The following COG3 variants were observed in gnomAD, a reference collection of about 807,000 sequenced individuals.
COG3 encodes the protein component of oligomeric golgi complex 3, also known as conserved oligomeric Golgi complex subunit 3.
Under a neutral mutation model 114.1 loss-of-function variants are expected in COG3, and 32 were observed. The ratio of observed to expected loss-of-function variants is 0.28; its 90% CI spans 0.21 to 0.38. The LOEUF is 0.38. COG3 is among the 10% of genes least tolerant of loss of function. The pLI is 1.00. For missense variants in COG3, 813 were observed against 973.2 expected, an observed-to-expected ratio of 0.84 and a Z score of 2.19; for synonymous variants, 352 against 365.7, an observed-to-expected ratio of 0.96 and a Z score of 0.43.
At chr13:45,519,399 C>T (rs1332263869) in intron 19 of COG3, among the ~76,000 whole-genome samples, 2 of 152,182 alleles carry the variant, frequency 1.3e-5, no homozygotes, top group African/African-American at 4.8e-5. Flanking sequence ...TGGGCTGGGA[C>T]TCTCACTTTC....
chr13:45,504,454 G>A (rs1039538211), intron 14 of COG3, among the ~76,000 whole-genome samples: 6 of 152,226 alleles, frequency 3.9e-5, no homozygotes, highest in Admixed American at 2.6e-4. Flanking sequence ...CCCCGGACTT[G>A]TGCGTTTTCT....
At chr13:45,475,964 CAAAA>C (rs34930945) in intron 1 of COG3, among the ~76,000 whole-genome samples, 2 of 88,514 alleles carry the variant, frequency 2.3e-5, no homozygotes, top group East Asian at 3.0e-4. Flanking sequence ...ACCCTGTCAC[CAAAA>C]AAAAAAAAAA....
At chr13:45,481,418 G>A in intron 5 of COG3, 114 bp downstream of exon 5, 2 of 632,290 alleles carry the variant, frequency 3.2e-6, no homozygotes, top group Non-Finnish European at 5.7e-6. Flanking sequence ...AATTTAGCTT[G>A]CTTGCTGATA....
At chr13:45,504,410 C>T (rs977671176) in intron 14 of COG3, among the ~76,000 whole-genome samples, 3 of 152,124 alleles carry the variant, frequency 2.0e-5, no homozygotes, top group African/African-American at 7.2e-5. Flanking sequence ...TTTATGAGCA[C>T]GGGAGAGACG....
At chr13:45,484,286 T>C (rs1239139297) in intron 7 of COG3, among the ~76,000 whole-genome samples, 1 of 152,196 alleles carries the variant, frequency 6.6e-6, no homozygotes, top group East Asian at 1.9e-4. Context: ...TAATAGCTCA[T>C]AAAGACTGGT....
At chr13:45,526,176 C>T (rs1872679521) in intron 20 of COG3, among the ~76,000 whole-genome samples, 1 of 139,508 alleles carries the variant, frequency 7.2e-6, no homozygotes, top group African/African-American at 2.7e-5. Context: ...GCAACCACCT[C>T]CTGGATTTAA....
At chr13:45,514,247 A>G (rs906907207) in intron 16 of COG3, among the ~76,000 whole-genome samples, 2 of 128,308 alleles carry the variant, frequency 1.6e-5, no homozygotes, top group Admixed American at 2.1e-4. Flanking sequence ...TGCAACCTCC[A>G]CCTCCTGGGT....
chr13:45,496,226 A>G lies in COG3; in HGVS notation c.1402A>G (p.Thr468Ala). ...TGTACAGGAGCGGCTCGTCTACCGA[A>G]CCCACATCTATATTCAGACGGACAT... ...EDVQERLVYRTHIYIQTDITG... is the reference protein window; with the variant it reads ...EDVQERLVYRAHIYIQTDITG... Residue 468 changes from threonine (T) to alanine (A), a missense_variant, in exon 13 of 23, where the codon ACC becomes GCC. Thr to Ala is a moderately conservative substitution (Grantham distance 58). Coordinates refer to ENST00000349995, the MANE Select transcript of COG3 (RefSeq NM_031431.4). 6.2e-7 allele frequency: 1 copy of G among 1,613,328 alleles called. No individual in the cohort carries two copies. Among genetic ancestry groups the G allele is most frequent in the Non-Finnish European group, 8.5e-7 (1 of 1,179,546 alleles).
intron 14 of COG3, among the ~76,000 whole-genome samples, chr13:45,505,608 C>T (rs1448761933): frequency 6.6e-6 from 1 of 150,402 alleles, no homozygotes; most frequent in Non-Finnish European, 1.5e-5. Flanking sequence ...CCTGACCAAT[C>T]CTGCTTTCTT....
At chr13:45,524,890 G>C (rs934979626) in intron 19 of COG3, 86 bp from the exon 20 acceptor site, 15 of 912,198 alleles carry the variant, frequency 1.6e-5, no homozygotes, top group African/African-American at 3.3e-5. Flanking sequence ...TGTATCCCTT[G>C]AGAGCAGTAC....
chr13:45,534,670 G>T, intron 22 of COG3, 32 bp from the exon 23 acceptor site: 1 of 1,512,706 alleles, frequency 6.6e-7, no homozygotes, highest in East Asian at 2.4e-5. Context: ...TTCCATAGGA[G>T]AACTAACATA....
chr13:45,514,625 T>C (rs962569320), intron 16 of COG3, among the ~76,000 whole-genome samples: 2 of 152,096 alleles, frequency 1.3e-5, no homozygotes, highest in Admixed American at 6.6e-5. Context: ...TAGCTTATTA[T>C]TTTCATGGTT....
rs1398632859 is a variant in COG3, at chr13:45,513,201, TATATACATATAAATTATATATATATA to T, written c.1809+1353_1809+1378del. The stretch of plus-strand genomic sequence containing the variant: ...AAGGCTTTTATATATATATATATAA[TATATACATATAAATTATATATATATA>T]ATATATACATATAAATTATACATAT... On this transcript the variant is annotated intron_variant, in intron 16 of 22. Transcript: ENST00000349995. Among the ~76,000 whole-genome samples, 61 of 90,598 alleles carry T rather than the reference TATATACATATAAATTATATATATATA, an allele frequency of 6.7e-4. 1 individual carries two copies. In the East Asian group the frequency reaches 0.013, roughly 19 times the overall value. 59.4% of individuals were successfully genotyped at this position (90,598 alleles called of 152,430 possible).
At chr13:45,533,129 A>G (rs969496863) in intron 22 of COG3, among the ~76,000 whole-genome samples, 2 of 151,852 alleles carry the variant, frequency 1.3e-5, no homozygotes, top group African/African-American at 4.8e-5. Context: ...TGAGTGAAAT[A>G]AGAAGCAAGG....
At position 45,481,245 on chromosome 13, in the gene COG3, C is replaced by A. The variant is rs755511083; in HGVS notation, c.565C>A (p.Leu189Met). ...AAAATGCAAGTCGGAACTTGTTGAT[C>A]TGGCTGAAAACATTCAACAAAAGCT... ...LLKEQSELVD[L>M]AENIQQKLSY... The change falls in exon 5 of 23, where the codon CTG (leucine) becomes ATG (methionine). Residue 189 changes from leucine (L) to methionine (M), a missense_variant. Transcript: ENST00000349995. 3 of 1,592,612 alleles carry A rather than the reference C, an allele frequency of 1.9e-6. No individual in the cohort carries two copies. The highest frequency in any genetic ancestry group is 8.6e-7 in the Non-Finnish European group (1 of 1,163,264).
intron 8 of COG3, among the ~76,000 whole-genome samples, chr13:45,489,261 TCA>T (rs1566250506): frequency 9.7e-4 from 1 of 1,032 alleles, no homozygotes; most frequent in Non-Finnish European, 2.0e-3. Context: ...AGACCCAGCC[TCA>T]AAAAAAAAAA....
intron 11 of COG3, 102 bp from the exon 12 acceptor site, chr13:45,493,241 ATACT>A (rs1376248362): frequency 1.7e-5 from 14 of 827,776 alleles, no homozygotes; most frequent in Non-Finnish European, 2.1e-5. Flanking sequence ...TTTCCAGTAG[ATACT>A]TATTGTTCTT....
At chr13:45,474,967 A>T (rs1885769752) in intron 1 of COG3, among the ~76,000 whole-genome samples, 1 of 152,198 alleles carries the variant, frequency 6.6e-6, no homozygotes, top group Non-Finnish European at 1.5e-5. Flanking sequence ...CTATAAATAA[A>T]TTAACACCTG....
At chr13:45,513,558 T>C (rs546906000) in intron 16 of COG3, among the ~76,000 whole-genome samples, 10 of 144,512 alleles carry the variant, frequency 6.9e-5, no homozygotes, top group African/African-American at 2.5e-4. Flanking sequence ...AAATTATATA[T>C]ATAAAAGTGA....
Sources: gnomAD v4.1 joint callset for allele counts (sites outside exome capture counted in the v4.1 genomes callset) on GRCh38, gnomAD v4.1.1 for gene constraint, MANE v1.5 for transcripts, NCBI Gene and HGNC (gene_info 2026-07-23, HGNC 2026-07-21) for gene names.